Variants in ABCB4 observed in about 807,000 individuals in gnomAD.
ABCB4 encodes phosphatidylcholine translocator ABCB4.
ABCB4 carries 76 observed loss-of-function variants against 145.7 expected under a neutral mutation model. The observed-to-expected ratio is 0.52, with a 90% CI of 0.43 to 0.63. ABCB4 has a LOEUF of 0.63. ABCB4 is among the 30% of genes least tolerant of loss of function. The probability of loss-of-function intolerance (pLI) is 0.00; values close to 1 mark genes in which losing one functional copy is unlikely to be tolerated. For synonymous variants in ABCB4, 517 were observed against 566.8 expected, an observed-to-expected ratio of 0.91 and a Z score of 1.25; for missense variants, 1,234 against 1,553.1, an observed-to-expected ratio of 0.79 and a Z score of 3.45.
At chr7:87,412,566 T>C (rs1808699127) in intron 22 of ABCB4, among the ~76,000 whole-genome samples, 1 of 152,216 alleles carries the variant, frequency 6.6e-6, no homozygotes, top group African/African-American at 2.4e-5. Context: ...GTATATAATT[T>C]ATTTTGTACA....
At chr7:87,375,182 C>A in the ABCB4 span, 1 of 153,072 alleles carries the variant, frequency 6.5e-6, no homozygotes, top group Non-Finnish European at 1.5e-5. Context: ...TGGTAAAACA[C>A]AAATATTAAT....
chr7:87,393,577 A>G, the ABCB4 span, among the ~76,000 whole-genome samples: 1 of 152,322 alleles, frequency 6.6e-6, no homozygotes, highest in East Asian at 1.9e-4. Flanking sequence ...CTGGTATAAA[A>G]AAGAGTAGTG....
chr7:87,420,473 T>C (rs139196559), intron 18 of ABCB4, among the ~76,000 whole-genome samples: 5 of 152,312 alleles, frequency 3.3e-5, no homozygotes, highest in African/African-American at 1.2e-4. Context: ...GGGGAGATAC[T>C]GCTTTGGGAA....
the ABCB4 span, chr7:87,393,172 C>A: frequency 8.3e-7 from 1 of 1,207,410 alleles, no homozygotes; most frequent in Non-Finnish European, 1.2e-6. Flanking sequence ...TGCCATCTGT[C>A]ACTTGCTACA....
intron 18 of ABCB4, 55 bp downstream of exon 18, chr7:87,422,066 A>T: frequency 7.8e-7 from 1 of 1,275,104 alleles, no homozygotes; most frequent in Non-Finnish European, 1.1e-6. Context: ...GGTTTAATTT[A>T]ATTTCTCTAA....
At chr7:87,394,528 A>G in the ABCB4 span, among the ~76,000 whole-genome samples, 6 of 147,482 alleles carry the variant, frequency 4.1e-5, no homozygotes, top group African/African-American at 1.0e-4. Context: ...TCATTTCAAC[A>G]TAAATAAATC....
At position 87,453,278 on chromosome 7, in the gene ABCB4, G is replaced by A. The variant is rs1811883203; in HGVS notation, c.345-143C>T. 14 of 729,374 alleles carry A rather than the reference G, an allele frequency of 1.9e-5. No individual in the cohort carries two copies. The East Asian group carries it at 3.8e-4, about 20-fold the overall frequency. 45.2% of individuals were successfully genotyped at this position (729,374 alleles called of 1,614,324 possible). A position where few individuals can be genotyped will look rare whatever the true frequency, so the allele number is the denominator to read the frequency against. On this transcript the variant is annotated intron_variant, in intron 5 of 27. Coordinates refer to ENST00000649586, the MANE Select transcript of ABCB4 (RefSeq NM_000443.4). The stretch of plus-strand genomic sequence containing the variant: ...AGCTCACTGCAACCTCCGCCTCCTG[G>A]ATTCAAGTGATTCTCCTGCCTCAGC...
Position 87,452,159 on chromosome 7 carries a change from A to G in ABCB4, c.537-365T>C, listed in dbSNP as rs189718477. On this transcript the variant is annotated intron_variant, in intron 6 of 27. Transcript: ENST00000649586. ...GAAGTATTACTGCATTTCTTCTTAT[A>G]GGGAAGTAATAGGGAAGAGATCTTT... Among the ~76,000 whole-genome samples the G allele has an allele frequency of 2.4e-3, 362 of 152,326 alleles. 2 individuals are homozygous for G. The highest frequency in any genetic ancestry group is 0.017 in the South Asian group (82 of 4,824).
chr7:87,405,461 C>T (rs992776233), intron 26 of ABCB4, among the ~76,000 whole-genome samples: 2 of 139,928 alleles, frequency 1.4e-5, no homozygotes, highest in Non-Finnish European at 3.0e-5. Flanking sequence ...GAGTCTCACT[C>T]TGTCGCCCAG....
At chr7:87,375,345 C>T in the ABCB4 span, 1 of 303,382 alleles carries the variant, frequency 3.3e-6, no homozygotes, top group Non-Finnish European at 6.2e-6. Context: ...TACTTGCAAC[C>T]TAGAAGTGCA....
At chr7:87,423,623 G>C (rs1438822694) in intron 17 of ABCB4, 2 of 427,558 alleles carry the variant, frequency 4.7e-6, no homozygotes, top group African/African-American at 4.0e-5. Flanking sequence ...AAACAGATTG[G>C]GGATCATTGT....
the ABCB4 span, among the ~76,000 whole-genome samples, chr7:87,384,472 C>T: frequency 1.6e-4 from 25 of 152,314 alleles, no homozygotes; most frequent in African/African-American, 5.8e-4. Flanking sequence ...GCAGAGGTTG[C>T]AGTGAGCTGA....
intron 8 of ABCB4, 125 bp downstream of exon 8, chr7:87,449,843 G>A (rs1383792058): frequency 2.1e-6 from 3 of 1,415,692 alleles, no homozygotes; most frequent in African/African-American, 1.4e-5. Context: ...AGTAAAGGGT[G>A]CTTATAATTT....
chr7:87,370,051 A>C, the ABCB4 span, among the ~76,000 whole-genome samples: 16 of 152,054 alleles, frequency 1.1e-4, no homozygotes, highest in East Asian at 2.9e-3. Context: ...CTTTTCCCTC[A>C]CTTTCCCATG....
At chr7:87,420,384 G>A (rs879544037) in intron 18 of ABCB4, among the ~76,000 whole-genome samples, 7 of 152,080 alleles carry the variant, frequency 4.6e-5, no homozygotes, top group Admixed American at 4.6e-4. Context: ...GGTGCTTCCC[G>A]GCATCACTTC....
Position 87,402,263 on chromosome 7 carries a change from T to C in ABCB4, c.3673A>G (p.Thr1225Ala), listed in dbSNP as rs1351002393. The change falls in exon 28 of 28, where the codon ACC (threonine) becomes GCC (alanine). Residue 1225 changes from threonine to alanine, a missense_variant. By Grantham distance (58) the Thr-to-Ala change is moderately conservative. Around this residue, in one of 7 missense-constraint regions of ABCB4, gnomAD observed 58 missense variants for 75.9 expected, o/e 0.76. Transcript: ENST00000649586. ...EALDKAREGR[T>A]CIVIAHRLST... ...AGGCGGTGAGCAATCACAATGCAGG[T>C]GCGGCCTTCTCTGGCTTTGTCCAGG... The C allele has an allele frequency of 8.1e-6, 13 of 1,613,952 alleles. No individual in the cohort carries two copies. In the East Asian group the frequency reaches 2.9e-4, roughly 36 times the overall value.
chr7:87,450,857 A>G (rs1215430172), intron 7 of ABCB4, among the ~76,000 whole-genome samples: 4 of 152,204 alleles, frequency 2.6e-5, no homozygotes, highest in Non-Finnish European at 5.9e-5. Flanking sequence ...CAAAAGAGAT[A>G]CAGGTAGTTC....
the ABCB4 span, among the ~76,000 whole-genome samples, chr7:87,373,418 G>A: frequency 0.87 from 132,785 of 152,044 alleles, 58,138 homozygotes; most frequent in Middle Eastern, 0.94. Context: ...AATATTTTTC[G>A]TTTTGACAAA....
At chr7:87,442,466 C>G (rs546509778) in intron 12 of ABCB4, among the ~76,000 whole-genome samples, 210 of 152,182 alleles carry the variant, frequency 1.4e-3, no homozygotes, top group Non-Finnish European at 2.2e-3. Context: ...CAGATAAACT[C>G]AATGCTCTAA....
Sources: allele counts gnomAD v4.1 joint callset (sites outside exome capture counted in the v4.1 genomes callset), GRCh38; gene constraint gnomAD v4.1.1; regional missense constraint gnomAD v4.1.1; transcripts MANE v1.5; gene names NCBI Gene and HGNC (gene_info 2026-07-23, HGNC 2026-07-21).